The following DNAAF4 variants were observed in gnomAD, a reference collection of about 807,000 sequenced individuals.
DNAAF4 encodes dynein assembly factor 4, axonemal.
Under a neutral mutation model 51.8 loss-of-function variants are expected in DNAAF4, and 43 were observed. The ratio of observed to expected loss-of-function variants is 0.83; its 90% CI spans 0.65 to 1.07. The LOEUF is 1.07. Ranked by LOEUF, DNAAF4 falls within the 50% of genes least tolerant of loss-of-function variation. DNAAF4 has a pLI of 0.00. For missense variants in DNAAF4, 581 were observed against 493.0 expected, an observed-to-expected ratio of 1.18 and a Z score of -1.69; for synonymous variants, 194 against 165.6, an observed-to-expected ratio of 1.17 and a Z score of -1.32.
intron 7 of DNAAF4, 118 bp from the exon 8 acceptor site, chr15:55,435,176 G>T: frequency 9.1e-7 from 1 of 1,096,976 alleles, no homozygotes; most frequent in Non-Finnish European, 1.3e-6. Context: ...TCTCTTTAGG[G>T]TAAACGTTGC....
chr15:55,418,590 T>G, intron 7 of DNAAF4: 1 of 1,366,400 alleles, frequency 7.3e-7, no homozygotes, highest in Non-Finnish European at 9.7e-7. Context: ...CCTTTGTATA[T>G]TGAAGAGAAA....
At chr15:55,438,384 T>A (rs773978434) in intron 7 of DNAAF4, among the ~76,000 whole-genome samples, 26 of 149,818 alleles carry the variant, frequency 1.7e-4, no homozygotes, top group South Asian at 6.3e-4. Context: ...TACAAATGAA[T>A]AAAATGACTG....
chr15:55,498,074 CATTTTTTT>C (rs887475444), intron 2 of DNAAF4, 125 bp downstream of exon 2: 128 of 1,486,906 alleles, frequency 8.6e-5, no homozygotes, highest in Non-Finnish European at 1.8e-5. Context: ...GTATGGGATT[CATTTTTTT>C]AATAGGATTA....
intron 4 of DNAAF4, among the ~76,000 whole-genome samples, chr15:55,468,693 C>T (rs1027330550): frequency 1.3e-5 from 2 of 152,052 alleles, no homozygotes; most frequent in Non-Finnish European, 2.9e-5. Context: ...CATCATACTC[C>T]CTGCAAGAAG....
downstream of DNAAF4, among the ~76,000 whole-genome samples, chr15:55,425,856 C>T (rs542353069): frequency 7.9e-5 from 12 of 152,258 alleles, no homozygotes; most frequent in East Asian, 7.7e-4. Flanking sequence ...GAACCTCTTG[C>T]GCTAGTGTAA....
chr15:55,478,896 G>A (rs1311406746), intron 4 of DNAAF4, among the ~76,000 whole-genome samples: 1 of 152,030 alleles, frequency 6.6e-6, no homozygotes, highest in Non-Finnish European at 1.5e-5. Flanking sequence ...CAAGCCCTGA[G>A]TACCTTGAAA....
In DNAAF4 at chr15:55,491,208, G is replaced by T; in HGVS notation, c.320C>A (p.Ala107Glu). ...QRIREKSILQAQERAKEATEA... is the reference protein window; with the variant it reads ...QRIREKSILQEQERAKEATEA... ...TGTAGCTTCTTTTGCTCTCTCTTGTGCTTGTAAAATAGATTTTTCTCTAAT... is the reference window on the plus strand; with the variant it reads ...TGTAGCTTCTTTTGCTCTCTCTTGTTCTTGTAAAATAGATTTTTCTCTAAT... The change falls in exon 4 of 10, where the codon GCA becomes GAA. Residue 107 changes from alanine to glutamate, a missense_variant. By Grantham distance (107) the Ala-to-Glu change is moderately radical (BLOSUM62 -1). Transcript: ENST00000321149. 3 of 1,613,746 alleles carry T rather than the reference G, an allele frequency of 1.9e-6. No homozygotes were observed. The highest frequency in any genetic ancestry group is 2.5e-6 in the Non-Finnish European group (3 of 1,179,920).
intron 5 of DNAAF4, among the ~76,000 whole-genome samples, chr15:55,453,589 C>T (rs536161747): frequency 7.6e-6 from 1 of 131,790 alleles, no homozygotes; most frequent in African/African-American, 3.0e-5. Context: ...CTTGCTCTGT[C>T]GCCTAGGCTG....
intron 5 of DNAAF4, among the ~76,000 whole-genome samples, chr15:55,453,614 G>A (rs933569421): frequency 4.1e-5 from 6 of 146,456 alleles, no homozygotes; most frequent in Non-Finnish European, 8.9e-5. Flanking sequence ...GTAGTGGCGC[G>A]ATCTCGGCTC....
Position 55,430,743 on chromosome 15 carries a change from G to A in DNAAF4, c.1190C>T (p.Pro397Leu), listed in dbSNP as rs745975234. 20 of 1,613,296 alleles carry A rather than the reference G, an allele frequency of 1.2e-5. No individual in the cohort carries two copies. The highest frequency in any genetic ancestry group is 1.6e-5 in the Non-Finnish European group (19 of 1,179,586). The change falls in exon 10 of 10, where the codon CCA becomes CTA. Residue 397 changes from proline (P) to leucine (L), a missense_variant. By Grantham distance (98) the Pro-to-Leu change is moderately conservative (BLOSUM62 -3). Coordinates refer to ENST00000321149, the MANE Select transcript of DNAAF4 (RefSeq NM_130810.4). ...ATCAATTTGTACAATTTTGTTGGAT[G>A]GATCAATCTTAAGTGCCGCTTCATA... Reference protein sequence around the residue: ...QDYEAALKIDPSNKIVQIDAE... With the variant: ...QDYEAALKIDLSNKIVQIDAE...
chr15:55,445,104 G>A (rs1487763613), intron 6 of DNAAF4, among the ~76,000 whole-genome samples: 1 of 149,118 alleles, frequency 6.7e-6, no homozygotes, highest in African/African-American at 2.5e-5. Flanking sequence ...GATGTGGCAG[G>A]GTCATAGGAT....
chr15:55,418,370 A>G, intron 7 of DNAAF4: 1 of 1,536,932 alleles, frequency 6.5e-7, no homozygotes, highest in Non-Finnish European at 8.7e-7. Context: ...AAAACCTCAA[A>G]TGATTATGTA....
intron 6 of DNAAF4, among the ~76,000 whole-genome samples, chr15:55,449,479 A>G (rs1248417538): frequency 3.4e-5 from 5 of 148,620 alleles, no homozygotes. Context: ...CCTGACCAAC[A>G]TGGTGAAACC....
intron 3 of DNAAF4, among the ~76,000 whole-genome samples, chr15:55,495,699 G>A (rs1011394146): frequency 4.6e-5 from 7 of 152,062 alleles, no homozygotes; most frequent in African/African-American, 1.2e-4. Flanking sequence ...AACACCAACC[G>A]CACTCCAGCG....
At chr15:55,472,179 A>G (rs1441974484) in intron 4 of DNAAF4, among the ~76,000 whole-genome samples, 1 of 152,238 alleles carries the variant, frequency 6.6e-6, no homozygotes, top group African/African-American at 2.4e-5. Context: ...AATATAGGAA[A>G]CACACAATTT....
At chr15:55,473,259 A>G (rs56139014) in intron 4 of DNAAF4, among the ~76,000 whole-genome samples, 1 of 115,612 alleles carries the variant, frequency 8.6e-6, no homozygotes, top group African/African-American at 3.3e-5. Flanking sequence ...GTGTATATAT[A>G]TGTGTATATA....
At chr15:55,421,529 T>A (rs1254739218) in intron 7 of DNAAF4, among the ~76,000 whole-genome samples, 1 of 152,050 alleles carries the variant, frequency 6.6e-6, no homozygotes, top group South Asian at 2.1e-4. Flanking sequence ...TCAGGATAAG[T>A]AGCTGAAAAT....
At chr15:55,504,439 A>G (rs189389832) in intron 1 of DNAAF4, among the ~76,000 whole-genome samples, 3 of 152,322 alleles carry the variant, frequency 2.0e-5, no homozygotes, top group African/African-American at 7.2e-5. Flanking sequence ...TTCATATGGA[A>G]CCAAAAAAGA....
At chr15:55,419,759 G>A (rs1026691238) in intron 7 of DNAAF4, among the ~76,000 whole-genome samples, 2 of 152,144 alleles carry the variant, frequency 1.3e-5, no homozygotes, top group African/African-American at 4.8e-5. Context: ...CACATTGGGA[G>A]CCCGGGGCTG....
Sources: allele counts gnomAD v4.1 joint callset (sites outside exome capture counted in the v4.1 genomes callset), GRCh38; gene constraint gnomAD v4.1.1; transcripts MANE v1.5; gene names NCBI Gene and HGNC (gene_info 2026-07-23, HGNC 2026-07-21).